Variants in TAF6 observed in about 807,000 individuals in gnomAD.
TAF6 encodes transcription initiation factor TFIID subunit 6.
In TAF6, 50 loss-of-function variants were observed where a neutral mutation model predicts 73.5. The ratio of observed to expected loss-of-function variants is 0.68; its 90% CI spans 0.54 to 0.86. The LOEUF (loss-of-function observed/expected upper bound fraction) is 0.86, where lower values mean the gene tolerates loss of function less well. TAF6 is among the 40% of genes least tolerant of loss of function. The pLI is 0.00. For missense variants in TAF6, 768 were observed against 899.5 expected (o/e 0.85, Z 1.87); for synonymous variants, 424 against 376.7 (o/e 1.13, Z -1.45).
chr7:100,114,662 G>C, intron 1 of TAF6: 1 of 339,314 alleles, frequency 2.9e-6, no homozygotes, highest in Non-Finnish European at 5.4e-6. Context: ...AGAGGTTGCA[G>C]TGAGCCGAGA....
At position 100,108,067 on chromosome 7, in the gene TAF6, G is replaced by T. The variant is rs1453348722; in HGVS notation, c.1515C>A (p.Gly505=). The T allele has an allele frequency of 8.7e-6, 14 of 1,612,536 alleles. No homozygotes were observed. The highest frequency in any genetic ancestry group is 1.2e-5 in the Non-Finnish European group (14 of 1,179,670). ...CGATGGAGCCAGGAACCTTCAGCAAGCCAGGGGTGCGAGGGCCAGGCTGTG... is the reference window on the plus strand; with the variant it reads ...CGATGGAGCCAGGAACCTTCAGCAATCCAGGGGTGCGAGGGCCAGGCTGTG... ...QAPQPGPRTP[G]LLKVPGSIAL... Residue 505 remains glycine, a synonymous_variant, in exon 14 of 15, where the codon GGC becomes GGA. Coordinates refer to ENST00000453269, the MANE Select transcript of TAF6 (RefSeq NM_139315.3).
At chr7:100,124,800 A>G (rs1798169602), upstream of TAF6, 1 of 1,595,776 alleles carries the variant, frequency 6.3e-7, no homozygotes, top group Non-Finnish European at 8.5e-7. Flanking sequence ...GAAGAGCAGG[A>G]GGAGGAGGAG....
intron 1 of TAF6, chr7:100,114,664 G>A: frequency 3.0e-6 from 1 of 332,270 alleles, no homozygotes; most frequent in Non-Finnish European, 5.5e-6. Context: ...AGGTTGCAGT[G>A]AGCCGAGATC....
chr7:100,122,764 C>A (rs569894477), upstream of TAF6: 1 of 1,606,858 alleles, frequency 6.2e-7, no homozygotes, highest in Non-Finnish European at 8.5e-7. Context: ...TGGGCTGATG[C>A]CAAATTCTTA....
At chr7:100,124,638 G>GTT (rs1562940103), upstream of TAF6, 4 of 1,612,392 alleles carry the variant, frequency 2.5e-6, no homozygotes, top group Middle Eastern at 5.0e-4. Context: ...ACTGGTAAGC[G>GTT]TAAGGGTTGA....
chr7:100,124,285 C>G (rs372192101), upstream of TAF6: 7 of 505,110 alleles, frequency 1.4e-5, no homozygotes, highest in South Asian at 1.3e-4. Context: ...AATTACCATA[C>G]ATATTTTACA....
chr7:100,107,698 C>T, intron 14 of TAF6, 75 bp from the exon 15 acceptor site: 1 of 1,560,984 alleles, frequency 6.4e-7, no homozygotes, highest in Non-Finnish European at 8.6e-7. Flanking sequence ...GGACGCTTCA[C>T]TCGCTCCCTG....
chr7:100,119,842 G>T, upstream of TAF6: 1 of 1,612,406 alleles, frequency 6.2e-7, no homozygotes, highest in Middle Eastern at 1.7e-4. Context: ...GACACAGAAC[G>T]CTTGCCCAGC....
At chr7:100,122,338 G>T, upstream of TAF6, 1 of 1,614,182 alleles carries the variant, frequency 6.2e-7, no homozygotes, top group Non-Finnish European at 8.5e-7. Flanking sequence ...AGCTGGGGCA[G>T]GTGCTGGATA....
chr7:100,116,686 A>G (rs1246182676), intron 1 of TAF6: 2 of 152,118 alleles, frequency 1.3e-5, no homozygotes, highest in Non-Finnish European at 2.9e-5. Flanking sequence ...AATCCTTATA[A>G]TGTCCTACAA....
rs764073977 is a variant in TAF6 at position 100,114,317 on chromosome 7, G to A, written c.-59-49C>T. ...GAAGAAAAAGAAACGTGAGACACAG[G>A]GAGAGGGCCAACAAAGGGAGGACAG... On this transcript the variant is annotated intron_variant, in intron 1 of 14. Transcript: ENST00000453269. The A allele has an allele frequency of 2.0e-5, 32 of 1,573,860 alleles. No homozygotes were observed. In the East Asian group the frequency reaches 6.6e-4, roughly 32 times the overall value.
At chr7:100,108,247 C>T in intron 13 of TAF6, 120 bp downstream of exon 13, 1 of 1,464,450 alleles carries the variant, frequency 6.8e-7, no homozygotes. Context: ...CATCCTCACT[C>T]AGGGCCTGGT....
intron 9 of TAF6, 27 bp downstream of exon 9, chr7:100,111,701 G>C: frequency 6.2e-7 from 1 of 1,608,554 alleles, no homozygotes; most frequent in Non-Finnish European, 8.5e-7. Flanking sequence ...CTAGTCCCTG[G>C]AAGGGAGGAT....
intron 12 of TAF6, 25 bp downstream of exon 12, chr7:100,109,923 G>T: frequency 3.7e-6 from 6 of 1,613,118 alleles, no homozygotes; most frequent in Non-Finnish European, 5.1e-6. Flanking sequence ...CAGTGGGCAG[G>T]TGTGGGGACA....
At chr7:100,120,655 G>A (rs556435383), upstream of TAF6, among the ~76,000 whole-genome samples, 1 of 152,248 alleles carries the variant, frequency 6.6e-6, no homozygotes, top group East Asian at 1.9e-4. Flanking sequence ...CTTCTCCCCT[G>A]ACCTGTCAAT....
intron 9 of TAF6, 127 bp from the exon 10 acceptor site, chr7:100,111,448 G>T: frequency 1.7e-6 from 2 of 1,204,798 alleles, no homozygotes; most frequent in Middle Eastern, 2.9e-4. Context: ...AATCTCCCGG[G>T]CTCAAGCAAT....
At chr7:100,108,240 C>T in intron 13 of TAF6, 117 bp from the exon 14 acceptor site, 1 of 1,458,576 alleles carries the variant, frequency 6.9e-7, no homozygotes, top group South Asian at 1.3e-5. Flanking sequence ...GCTGGGGCAT[C>T]CTCACTCAGG....
chr7:100,118,935 C>T (rs4134886), intron 1 of TAF6: 49 of 985,392 alleles, frequency 5.0e-5, no homozygotes, highest in Non-Finnish European at 5.8e-5. Context: ...CCCTGGCGAA[C>T]TCCTACGAAT....
At chr7:100,113,476 G>T in intron 4 of TAF6, 71 bp from the exon 5 acceptor site, 1 of 1,524,826 alleles carries the variant, frequency 6.6e-7, no homozygotes, top group Non-Finnish European at 8.8e-7. Flanking sequence ...TGCTATGGAA[G>T]CGTGTTTCCA....
Sources: allele counts gnomAD v4.1 joint callset (sites outside exome capture counted in the v4.1 genomes callset), GRCh38; gene constraint gnomAD v4.1.1; transcripts MANE v1.5; gene names NCBI Gene and HGNC (gene_info 2026-07-23, HGNC 2026-07-21).